Variants in MACROH2A2 observed in about 807,000 individuals in gnomAD.
The protein encoded by MACROH2A2 is macroH2A.2 histone, also known as core histone macro-H2A.2.
Under a neutral mutation model 37.6 loss-of-function variants are expected in MACROH2A2, and 6 were observed. That is an observed-to-expected ratio of 0.16 (90% confidence interval 0.09 to 0.32). The LOEUF (loss-of-function observed/expected upper bound fraction) is 0.32. MACROH2A2 is among the 10% of genes least tolerant of loss of function. The probability of loss-of-function intolerance (pLI) is 1.00; values close to 1 mark genes in which losing one functional copy is unlikely to be tolerated. For missense variants in MACROH2A2, 290 were observed against 485.9 expected, an observed-to-expected ratio of 0.60 and a Z score of 3.79; for synonymous variants, 192 against 202.7, an observed-to-expected ratio of 0.95 and a Z score of 0.45.
intron 1 of MACROH2A2, among the ~76,000 whole-genome samples, chr10:70,073,355 G>A (rs1490879052): frequency 6.6e-6 from 1 of 152,210 alleles, no homozygotes; most frequent in Non-Finnish European, 1.5e-5. Context: ...ACAGACAGCA[G>A]CAGCACGGCA....
chr10:70,070,962 AGTGT>A (rs9299504), intron 1 of MACROH2A2, among the ~76,000 whole-genome samples: 4,184 of 150,096 alleles, frequency 0.028, 166 homozygotes, highest in African/African-American at 0.086. Context: ...TTTTGAGGAA[AGTGT>A]GTGTGTGTGT....
chr10:70,057,148 T>C (rs1164913184), intron 1 of MACROH2A2, among the ~76,000 whole-genome samples: 2 of 152,208 alleles, frequency 1.3e-5, no homozygotes, highest in African/African-American at 4.8e-5. Context: ...GTTGAAGGAA[T>C]ATTTATTGAA....
intron 1 of MACROH2A2, among the ~76,000 whole-genome samples, chr10:70,054,795 T>C (rs956726916): frequency 2.0e-5 from 3 of 152,136 alleles, no homozygotes; most frequent in Admixed American, 2.0e-4. Flanking sequence ...GGCGGAAAAG[T>C]TTATCTTGAG....
intron 3 of MACROH2A2, among the ~76,000 whole-genome samples, chr10:70,091,155 T>C (rs1327692029): frequency 6.6e-6 from 1 of 152,244 alleles, no homozygotes; most frequent in Non-Finnish European, 1.5e-5. Flanking sequence ...GGAAGCTTTT[T>C]ATCCTGTGTT....
chr10:70,071,106 CA>C (rs2072108040), intron 1 of MACROH2A2, among the ~76,000 whole-genome samples: 1 of 151,656 alleles, frequency 6.6e-6, no homozygotes, highest in African/African-American at 2.4e-5. Context: ...CGCGTGTGCA[CA>C]GGGGGTGTCC....
chr10:70,065,034 C>T (rs200250404), intron 1 of MACROH2A2, among the ~76,000 whole-genome samples: 6,197 of 138,732 alleles, frequency 0.045, 401 homozygotes, highest in East Asian at 0.25. Context: ...TTTTTTTTTT[C>T]TTTTTTTTTT....
intron 1 of MACROH2A2, among the ~76,000 whole-genome samples, chr10:70,074,299 G>A (rs1358358861): frequency 6.6e-6 from 1 of 152,276 alleles, no homozygotes; most frequent in East Asian, 1.9e-4. Flanking sequence ...TCACCTCTTT[G>A]TGCTGACTGT....
intron 5 of MACROH2A2, 147 bp from the exon 6 acceptor site, chr10:70,095,506 GA>G: frequency 1.8e-6 from 1 of 547,356 alleles, no homozygotes; most frequent in South Asian, 2.4e-5. Flanking sequence ...AAACACCTGG[GA>G]AACTGGAGGT....
chr10:70,094,347 A>G (rs1589838491), intron 5 of MACROH2A2, among the ~76,000 whole-genome samples: 2 of 152,228 alleles, frequency 1.3e-5, no homozygotes, highest in Non-Finnish European at 2.9e-5. Flanking sequence ...GTAAACAAAC[A>G]GGGCTATGCA....
At chr10:70,089,153 C>T (rs2072228735) in intron 2 of MACROH2A2, among the ~76,000 whole-genome samples, 1 of 152,232 alleles carries the variant, frequency 6.6e-6, no homozygotes, top group South Asian at 2.1e-4. Context: ...AGTGGGCACC[C>T]AGAACAGACT....
chr10:70,086,446 A>C (rs1353854314), intron 2 of MACROH2A2, among the ~76,000 whole-genome samples: 1 of 152,162 alleles, frequency 6.6e-6, no homozygotes, highest in Non-Finnish European at 1.5e-5. Flanking sequence ...CTGCATGCTG[A>C]GTCTCTGCCT....
At position 70,053,265 on chromosome 10, in the gene MACROH2A2, G is replaced by A. The variant is rs1589828105; in HGVS notation, c.-60+265G>A. Reference sequence around the variant, plus strand: ...CGGCCAGCGAGGGGCCGGGGGCGTCGAGGGTACTGAGAGGGGAAGGAGGAG... The same window carrying A: ...CGGCCAGCGAGGGGCCGGGGGCGTCAAGGGTACTGAGAGGGGAAGGAGGAG... On this transcript the variant is annotated intron_variant, in intron 1 of 8. Transcript: ENST00000373255. This position sits in a 1 kb window ranked among gnomAD's most constrained non-coding sequence, Gnocchi z 4.8. Among the ~76,000 whole-genome samples, 3 of 151,992 alleles carry A rather than the reference G, an allele frequency of 2.0e-5. No homozygotes were observed. The South Asian group carries it at 6.2e-4, about 31-fold the overall frequency.
rs74139262 is a variant in MACROH2A2 at position 70,076,249 on chromosome 10, G to A, written c.172+419G>A. Among the ~76,000 whole-genome samples the A allele has an allele frequency of 8.7e-3, 1,321 of 152,198 alleles. 20 individuals are homozygous for A. The highest frequency in any genetic ancestry group is 0.03 in the African/African-American group (1,247 of 41,528). ...TGCTCATTAAACATTAGTTTTCCTGGTATATTTAAACTGGGACTCAGGGTC... is the reference window on the plus strand; with the variant it reads ...TGCTCATTAAACATTAGTTTTCCTGATATATTTAAACTGGGACTCAGGGTC... On this transcript the variant is annotated intron_variant, in intron 2 of 8. Transcript: ENST00000373255.
At chr10:70,086,622 T>C (rs567381402) in intron 2 of MACROH2A2, among the ~76,000 whole-genome samples, 4 of 152,226 alleles carry the variant, frequency 2.6e-5, no homozygotes, top group Non-Finnish European at 5.9e-5. Context: ...ACAGTTAATT[T>C]GATGAACTTG....
rs1287707114 is a variant in MACROH2A2, at chr10:70,107,594, C to T, written c.779-1439C>T. On this transcript the variant is annotated intron_variant, in intron 7 of 8. Transcript: ENST00000373255. The surrounding 1 kb of genome is among the most constrained non-coding windows in gnomAD (Gnocchi z 4.4). ...CCACAGGGACTTCCCTCGAGCTTAG[C>T]AGCCACGGGGCTTTATCAACTCTGT... 6.6e-6 allele frequency among the ~76,000 whole-genome samples: 1 copy of T among 152,214 alleles called. No individual in the cohort carries two copies. The highest frequency in any genetic ancestry group is 2.4e-5 in the African/African-American group (1 of 41,462).
chr10:70,053,801 T>A lies in MACROH2A2; in HGVS notation c.-60+801T>A, dbSNP rs574027368. ...GCCCGGCCGTGGCTCGCCTGGGCAG[T>A]CTGGCTCCCGCTTTGCGCGGGAAAA... On this transcript the variant is annotated intron_variant, in intron 1 of 8. Coordinates refer to ENST00000373255, the MANE Select transcript of MACROH2A2 (RefSeq NM_018649.3). This position sits in a 1 kb window ranked among gnomAD's most constrained non-coding sequence, Gnocchi z 4.8. Among the ~76,000 whole-genome samples the A allele has an allele frequency of 4.9e-4, 75 of 152,010 alleles. No homozygotes were observed. In the Middle Eastern group the frequency reaches 0.027, roughly 56 times the overall value.
intron 2 of MACROH2A2, among the ~76,000 whole-genome samples, chr10:70,077,668 G>A (rs540826373): frequency 2.0e-5 from 3 of 152,304 alleles, no homozygotes; most frequent in South Asian, 2.1e-4. Flanking sequence ...TCAGGAGATC[G>A]AGACCATCCT....
Position 70,057,389 on chromosome 10 carries a change from AC to A in MACROH2A2, c.-60+4390del, listed in dbSNP as rs150104965. Among the ~76,000 whole-genome samples, 891 of 152,234 alleles carry A rather than the reference AC, an allele frequency of 5.9e-3. 7 individuals are homozygous for A. Among genetic ancestry groups the A allele is most frequent in the African/African-American group, 0.02 (840 of 41,518 alleles). ...GTGGGAGAATGCTAAATGATTGATC[AC>A]TCAAGTCCCTTTCAGTCTTAGATTA... On this transcript the variant is annotated intron_variant, in intron 1 of 8. Transcript: ENST00000373255.
chr10:70,101,785 C>T (rs2072308696), intron 7 of MACROH2A2, among the ~76,000 whole-genome samples: 1 of 152,222 alleles, frequency 6.6e-6, no homozygotes, highest in African/African-American at 2.4e-5. Context: ...TCTCACTTAA[C>T]ATTTTTTTCA....
Sources: allele counts gnomAD v4.1 joint callset (sites outside exome capture counted in the v4.1 genomes callset), GRCh38; gene constraint gnomAD v4.1.1; non-coding constraint Gnocchi (gnomAD v3.1); transcripts MANE v1.5; gene names NCBI Gene and HGNC (gene_info 2026-07-23, HGNC 2026-07-21).